The following REG4 variants were observed in gnomAD, a reference collection of about 807,000 sequenced individuals.
REG4 encodes the protein regenerating islet-derived protein 4.
Under a neutral mutation model 22.3 loss-of-function variants are expected in REG4, and 16 were observed. That is an observed-to-expected ratio of 0.72 (90% CI 0.49 to 1.09). The LOEUF (loss-of-function observed/expected upper bound fraction) is 1.09, where lower values mean the gene tolerates loss of function less well. Among genes scored for constraint, REG4 ranks in the 50% least tolerant of loss-of-function variants. The pLI, the probability that REG4 is intolerant of heterozygous loss-of-function variation, is 0.00. For synonymous variants in REG4, 71 were observed against 69.2 expected (o/e 1.03, Z -0.13); for missense variants, 214 against 193.9 (o/e 1.10, Z -0.61).
chr1:119,800,188 G>A (rs1245793012), intron 3 of REG4, among the ~76,000 whole-genome samples: 1 of 152,206 alleles, frequency 6.6e-6, no homozygotes, highest in Non-Finnish European at 1.5e-5. Context: ...TTCTTCATCT[G>A]TAAAATAATT....
chr1:119,806,327 C>A (rs1351806273), intron 2 of REG4, among the ~76,000 whole-genome samples: 1 of 152,144 alleles, frequency 6.6e-6, no homozygotes. Context: ...TTCATAATAA[C>A]CCTGTCATTA....
At chr1:119,811,058 C>G (rs920412006) in intron 1 of REG4, among the ~76,000 whole-genome samples, 14 of 151,962 alleles carry the variant, frequency 9.2e-5, no homozygotes, top group Non-Finnish European at 2.1e-4. Context: ...CATAAAAAAA[C>G]AAAAACAAAA....
At position 119,802,964 on chromosome 1, in the gene REG4, T is replaced by C. The variant is rs587768411; in HGVS notation, c.165+104A>G. On this transcript the variant is annotated intron_variant, in intron 3 of 5. Transcript: ENST00000256585. ...CACCAGCCAAAGGGGCTTCTCTTCA[T>C]AGTGCCCAGGAAGGACACTTGATCC... 11 of 1,575,530 alleles carry C rather than the reference T, an allele frequency of 7.0e-6. No individual in the cohort carries two copies. In the Admixed American group the frequency reaches 9.4e-5, roughly 14 times the overall value.
chr1:119,799,738 T>C lies in REG4; in HGVS notation c.290A>G (p.His97Arg). 1 of 1,614,006 alleles carries C rather than the reference T, an allele frequency of 6.2e-7. No homozygotes were observed. Among genetic ancestry groups the C allele is most frequent in the Non-Finnish European group, 8.5e-7 (1 of 1,180,002 alleles). ...GTCTGAGGTTACCTTCTGTGGGTCGTGCAGGCCAATCCATATCGGCTGGCT... is the reference window on the plus strand; with the variant it reads ...GTCTGAGGTTACCTTCTGTGGGTCGCGCAGGCCAATCCATATCGGCTGGCT... The part of the protein sequence containing the change: ...QRSQPIWIGL[H>R]DPQKRQQWQW... The change falls in exon 4 of 6, where the codon CAC (histidine) becomes CGC (arginine). Residue 97 changes from histidine to arginine, a missense_variant. Physicochemically the swap from His to Arg is conservative, Grantham distance 29. Transcript: ENST00000256585.
At position 119,809,070 on chromosome 1, in the gene REG4, C is replaced by T; in HGVS notation, c.-94-207G>A. ...GCCAGTGCCAGAGATCTAACTATAG[C>T]AGGCTGAACAGTTTCATAGTCTGCA... On this transcript the variant is annotated intron_variant, in intron 1 of 5. Coordinates refer to ENST00000256585, the MANE Select transcript of REG4 (RefSeq NM_032044.4). The T allele has an allele frequency of 7.1e-6, 2 of 280,668 alleles. 1 individual carries two copies. The highest frequency in any genetic ancestry group is 1.3e-5 in the Non-Finnish European group (2 of 150,326). The allele number at this position is 280,668 out of a possible 1,614,324, so 17.4% of individuals were successfully genotyped here. A position where few individuals can be genotyped will look rare whatever the true frequency, so the allele number is the denominator to read the frequency against.
At chr1:119,802,969 C>T (rs1208037518) in intron 3 of REG4, 99 bp downstream of exon 3, 3 of 1,578,682 alleles carry the variant, frequency 1.9e-6, no homozygotes, top group East Asian at 2.3e-5. Context: ...CTTCATAGTG[C>T]CCAGGAAGGA....
In REG4 at chr1:119,799,785, C is replaced by A. The variant is rs764753106; in HGVS notation, c.243G>T (p.Glu81Asp). ...LSLKEASTIAEYISGYQRSQP... is the reference protein window; with the variant it reads ...LSLKEASTIADYISGYQRSQP... ...GGCTTCTCTGATAGCCACTTATGTA[C>A]TCTGCTATGGTGCTGGCTTCCTTTA... The change falls in exon 4 of 6, where the codon GAG becomes GAT. Residue 81 changes from glutamate to aspartate, a missense_variant. Coordinates refer to ENST00000256585, the MANE Select transcript of REG4 (RefSeq NM_032044.4). The A allele has an allele frequency of 1.9e-6, 3 of 1,614,184 alleles. No individual in the cohort carries two copies. Among genetic ancestry groups the A allele is most frequent in the Non-Finnish European group, 2.5e-6 (3 of 1,180,048 alleles).
At chr1:119,803,279 G>T in intron 2 of REG4, 114 bp from the exon 3 acceptor site, 1 of 1,142,006 alleles carries the variant, frequency 8.8e-7, no homozygotes, top group Non-Finnish European at 1.2e-6. Flanking sequence ...CTTCATGAAG[G>T]GTCCTGCTAC....
chr1:119,794,564 C>G lies in REG4; in HGVS notation c.*54G>C. 1.3e-6 allele frequency: 2 copies of G among 1,493,922 alleles called. No individual in the cohort carries two copies. The highest frequency in any genetic ancestry group is 4.5e-5 in the East Asian group (2 of 44,286). 92.5% of individuals were successfully genotyped at this position (1,493,922 alleles called of 1,614,324 possible). ...TAATGAGCAGATTTAGCCAGGCTAGCAGAAAGGAAGAGGACGGGGCTGTGC... is the reference window on the plus strand; with the variant it reads ...TAATGAGCAGATTTAGCCAGGCTAGGAGAAAGGAAGAGGACGGGGCTGTGC... On this transcript the variant is annotated 3_prime_UTR_variant, in exon 6 of 6. Coordinates refer to ENST00000256585, the MANE Select transcript of REG4 (RefSeq NM_032044.4).
intron 1 of REG4, among the ~76,000 whole-genome samples, chr1:119,811,066 AAAACAAAAACAG>A (rs1454932212): frequency 2.6e-5 from 4 of 152,124 alleles, no homozygotes; most frequent in Admixed American, 6.5e-5. Context: ...AACAAAAACA[AAAACAAAAACAG>A]AAACAAAAAC....
At chr1:119,795,615 C>A (rs1653914153) in intron 5 of REG4, among the ~76,000 whole-genome samples, 1 of 152,206 alleles carries the variant, frequency 6.6e-6, no homozygotes, top group Non-Finnish European at 1.5e-5. Flanking sequence ...TCTGCTTGGG[C>A]CCTGACCTGC....
At chr1:119,799,661 C>T in intron 4 of REG4, 64 bp downstream of exon 4, 2 of 1,584,648 alleles carry the variant, frequency 1.3e-6, no homozygotes, top group Non-Finnish European at 1.7e-6. Flanking sequence ...GGAGGCCATT[C>T]CCCAAAAAGA....
intron 5 of REG4, among the ~76,000 whole-genome samples, chr1:119,795,602 G>A (rs1454349153): frequency 6.6e-6 from 1 of 152,240 alleles, no homozygotes; most frequent in East Asian, 1.9e-4. Context: ...CCCTGGCTAG[G>A]TGTCTGCTTG....
chr1:119,803,187 T>C (rs760844424), intron 2 of REG4, 22 bp from the exon 3 acceptor site: 3 of 1,502,068 alleles, frequency 2.0e-6, no homozygotes, highest in South Asian at 1.4e-5. Context: ...CAAAAGGCAA[T>C]TGCACATTAT....
intron 5 of REG4, among the ~76,000 whole-genome samples, chr1:119,795,675 GA>G (rs1201812467): frequency 6.6e-6 from 1 of 152,218 alleles, no homozygotes; most frequent in African/African-American, 2.4e-5. Context: ...ACCCTGGGGA[GA>G]GGAGGGGGTG....
At chr1:119,802,933 C>G (rs1158369900) in intron 3 of REG4, 135 bp downstream of exon 3, 13 of 1,560,744 alleles carry the variant, frequency 8.3e-6, no homozygotes, top group Non-Finnish European at 1.1e-5. Flanking sequence ...CCTCTTCTCT[C>G]CATTTCACCA....
intron 2 of REG4, among the ~76,000 whole-genome samples, chr1:119,807,897 T>C (rs1654372998): frequency 6.6e-6 from 1 of 152,122 alleles, no homozygotes; most frequent in South Asian, 2.1e-4. Flanking sequence ...ATAGCACTGG[T>C]CCCCTCTGGA....
intron 5 of REG4, 112 bp from the exon 6 acceptor site, chr1:119,794,797 T>C (rs905388166): frequency 5.8e-5 from 53 of 910,598 alleles, no homozygotes; most frequent in Non-Finnish European, 9.1e-5. Flanking sequence ...TGGTTGACTT[T>C]ATGTGTCAAC....
At chr1:119,802,938 T>C (rs944900583) in intron 3 of REG4, 130 bp downstream of exon 3, 10 of 1,562,066 alleles carry the variant, frequency 6.4e-6, no homozygotes, top group African/African-American at 2.7e-5. Flanking sequence ...TCTCTCCATT[T>C]CACCAGCCAA....
Sources: allele counts gnomAD v4.1 joint callset (sites outside exome capture counted in the v4.1 genomes callset), GRCh38; gene constraint gnomAD v4.1.1; transcripts MANE v1.5; gene names NCBI Gene and HGNC (gene_info 2026-07-23, HGNC 2026-07-21).